PGM5: variants seen among roughly 807,000 people sequenced by gnomAD.
PGM5 encodes the protein phosphoglucomutase-like protein 5.
Under a neutral mutation model 59.2 loss-of-function variants are expected in PGM5, and 23 were observed. The observed-to-expected ratio is 0.39, with a 90% CI of 0.28 to 0.55. The LOEUF (loss-of-function observed/expected upper bound fraction) is 0.55. Ranked by LOEUF, PGM5 falls within the 20% of genes least tolerant of loss-of-function variation. The pLI, the probability that PGM5 is intolerant of heterozygous loss-of-function variation, is 0.66. For missense variants in PGM5, 574 were observed against 748.3 expected (o/e 0.77, Z 2.72); for synonymous variants, 214 against 286.0 (o/e 0.75, Z 2.54).
intron 10 of PGM5, among the ~76,000 whole-genome samples, chr9:68,525,626 T>A (rs1248901100): frequency 6.6e-6 from 1 of 152,258 alleles, no homozygotes; most frequent in Non-Finnish European, 1.5e-5. Flanking sequence ...TTTGTGTAAG[T>A]ACACTCTATA....
intron 1 of PGM5, among the ~76,000 whole-genome samples, chr9:68,360,794 G>T (rs1834560654): frequency 6.6e-6 from 1 of 152,060 alleles, no homozygotes; most frequent in Non-Finnish European, 1.5e-5. Context: ...CTTTAGTACA[G>T]ATTTCTAAAA....
chr9:68,429,127 G>A (rs1823300043), intron 6 of PGM5: 1 of 152,152 alleles, frequency 6.6e-6, no homozygotes. Context: ...TATAAGGATT[G>A]TACCATCTTG....
chr9:68,506,804 T>C (rs1037045513), intron 10 of PGM5, among the ~76,000 whole-genome samples: 1 of 152,150 alleles, frequency 6.6e-6, no homozygotes, highest in African/African-American at 2.4e-5. Flanking sequence ...TGTATATGTA[T>C]ATGTGTGTAC....
At chr9:68,475,737 T>C (rs1052892339) in intron 7 of PGM5, among the ~76,000 whole-genome samples, 31 of 152,354 alleles carry the variant, frequency 2.0e-4, no homozygotes, top group Middle Eastern at 3.4e-3. Context: ...TTTTCTGTGT[T>C]ACTAAAGATT....
At chr9:68,471,389 G>C (rs782461908) in intron 7 of PGM5, among the ~76,000 whole-genome samples, 1 of 152,134 alleles carries the variant, frequency 6.6e-6, no homozygotes, top group East Asian at 1.9e-4. Context: ...GGAGACTACT[G>C]GTTGCTAGGT....
chr9:68,511,052 G>A (rs1824740865), intron 10 of PGM5, among the ~76,000 whole-genome samples: 1 of 152,208 alleles, frequency 6.6e-6, no homozygotes. Flanking sequence ...GAAGGTAAAT[G>A]TCTCTTATTA....
At chr9:68,392,932 A>G (rs263799) in intron 6 of PGM5, among the ~76,000 whole-genome samples, 10,808 of 152,196 alleles carry the variant, frequency 0.071, 853 homozygotes, top group East Asian at 0.41. Context: ...TTCAAATGCT[A>G]ACTTATAGCC....
At chr9:68,449,584 T>C (rs782731831) in intron 6 of PGM5, among the ~76,000 whole-genome samples, 1 of 152,198 alleles carries the variant, frequency 6.6e-6, no homozygotes, top group Admixed American at 6.5e-5. Flanking sequence ...GCCTGTTAAG[T>C]GATAGCTGCA....
intron 6 of PGM5, among the ~76,000 whole-genome samples, chr9:68,420,945 G>A (rs1823118497): frequency 6.6e-6 from 1 of 152,232 alleles, no homozygotes; most frequent in South Asian, 2.1e-4. Flanking sequence ...GTTATAAAGT[G>A]TAAGGTGTTA....
intron 10 of PGM5, among the ~76,000 whole-genome samples, chr9:68,526,956 C>G (rs950142522): frequency 3.3e-5 from 5 of 152,188 alleles, no homozygotes; most frequent in African/African-American, 1.2e-4. Flanking sequence ...TAACTGACTC[C>G]TGATAAACAC....
At chr9:68,525,574 A>C (rs1019736787) in intron 10 of PGM5, among the ~76,000 whole-genome samples, 14 of 152,222 alleles carry the variant, frequency 9.2e-5, no homozygotes, top group African/African-American at 3.4e-4. Flanking sequence ...GGTTTCCCAT[A>C]TGAAAAACAA....
chr9:68,473,258 T>G (rs1193587523), intron 7 of PGM5, among the ~76,000 whole-genome samples: 1 of 152,198 alleles, frequency 6.6e-6, no homozygotes, highest in Non-Finnish European at 1.5e-5. Flanking sequence ...GGCTGCAAAT[T>G]AATGAAAACC....
intron 6 of PGM5, among the ~76,000 whole-genome samples, chr9:68,414,538 C>A (rs1822988663): frequency 6.6e-6 from 1 of 152,052 alleles, no homozygotes; most frequent in Admixed American, 6.6e-5. Flanking sequence ...TCTTTACGAA[C>A]CTCCTCTGCC....
chr9:68,483,816 A>G, intron 8 of PGM5, 49 bp from the exon 9 acceptor site: 1 of 1,563,542 alleles, frequency 6.4e-7, no homozygotes, highest in Non-Finnish European at 8.8e-7. Context: ...TGGGCCACCC[A>G]GTTGCTGGTT....
intron 10 of PGM5, among the ~76,000 whole-genome samples, chr9:68,525,873 T>C (rs1028972411): frequency 3.3e-5 from 5 of 152,052 alleles, no homozygotes; most frequent in African/African-American, 1.2e-4. Context: ...TGGCTAACAC[T>C]GTGAAACCTC....
intron 10 of PGM5, among the ~76,000 whole-genome samples, chr9:68,508,695 G>C (rs1449863805): frequency 6.6e-6 from 1 of 152,182 alleles, no homozygotes; most frequent in Admixed American, 6.5e-5. Context: ...GAGGTCACTG[G>C]TCATCACTTC....
At chr9:68,504,675 G>A (rs1554688885) in intron 10 of PGM5, among the ~76,000 whole-genome samples, 1 of 151,820 alleles carries the variant, frequency 6.6e-6, no homozygotes, top group Non-Finnish European at 1.5e-5. Flanking sequence ...TCCCTACCCT[G>A]CTTTGCTTTC....
intron 6 of PGM5, among the ~76,000 whole-genome samples, chr9:68,392,702 C>T (rs1554679626): frequency 6.6e-6 from 1 of 151,964 alleles, no homozygotes; most frequent in African/African-American, 2.4e-5. Flanking sequence ...AGTCTCTGTG[C>T]CTCAGTTTTC....
At chr9:68,509,646 C>A (rs1824714679) in intron 10 of PGM5, among the ~76,000 whole-genome samples, 1 of 152,062 alleles carries the variant, frequency 6.6e-6, no homozygotes, top group African/African-American at 2.4e-5. Context: ...GCAGCATGAG[C>A]AAAGGGAAAA....
Sources: allele counts gnomAD v4.1 joint callset (sites outside exome capture counted in the v4.1 genomes callset), GRCh38; gene constraint gnomAD v4.1.1; transcripts MANE v1.5; gene names NCBI Gene and HGNC (gene_info 2026-07-23, HGNC 2026-07-21).